The following WWOX variants were observed in gnomAD, a reference collection of about 807,000 sequenced individuals.
WWOX encodes WW domain containing oxidoreductase, also known as WW domain-containing oxidoreductase.
A neutral mutation model predicts 46.2 loss-of-function variants in WWOX; 69 were observed. The ratio of observed to expected loss-of-function variants is 1.49; its 90% CI spans 1.23 to 1.82. The LOEUF is 1.82. Among genes scored for constraint, WWOX ranks in the 40% most tolerant of loss-of-function variants. WWOX has a pLI of 0.00. For missense variants in WWOX, 919 were observed against 542.6 expected (o/e 1.69, Z -6.89); for synonymous variants, 359 against 202.6 (o/e 1.77, Z -6.56).
intron 8 of WWOX, among the ~76,000 whole-genome samples, chr16:78,844,690 A>T (rs77347998): frequency 0.015 from 2,233 of 152,282 alleles, 57 homozygotes; most frequent in African/African-American, 0.051. Context: ...TTAAAGAAAG[A>T]TTTTGCAGAC....
chr16:78,848,009 C>A (rs887535362), intron 8 of WWOX, among the ~76,000 whole-genome samples: 1 of 152,232 alleles, frequency 6.6e-6, no homozygotes, highest in Admixed American at 6.5e-5. Context: ...CAGCTGATAG[C>A]CTGTCGGTGC....
intron 8 of WWOX, among the ~76,000 whole-genome samples, chr16:78,788,073 A>C (rs1167014446): frequency 6.6e-6 from 1 of 152,118 alleles, no homozygotes; most frequent in Non-Finnish European, 1.5e-5. Context: ...CTTTGCAAAC[A>C]TTTTCTCTCA....
chr16:78,996,441 T>A, intron 8 of WWOX: 1 of 593,866 alleles, frequency 1.7e-6, no homozygotes, highest in Non-Finnish European at 2.1e-6. Flanking sequence ...AATGGAGGCA[T>A]ATTCAAAGTG....
chr16:78,327,393 G>A (rs1010921672), intron 5 of WWOX, among the ~76,000 whole-genome samples: 11 of 152,214 alleles, frequency 7.2e-5, no homozygotes, highest in African/African-American at 2.6e-4. Context: ...TTATGAATCT[G>A]GGGCATCTTC....
At chr16:78,409,281 A>G (rs1004206478) in intron 6 of WWOX, among the ~76,000 whole-genome samples, 1 of 152,178 alleles carries the variant, frequency 6.6e-6, no homozygotes, top group South Asian at 2.1e-4. Flanking sequence ...AATTATGACA[A>G]ACACAGTCAT....
chr16:78,599,794 A>C (rs929654828), intron 8 of WWOX, among the ~76,000 whole-genome samples: 3 of 152,012 alleles, frequency 2.0e-5, no homozygotes, highest in Non-Finnish European at 4.4e-5. Context: ...CAGTCTCTGC[A>C]CTCTGGGTCT....
rs973633451 is a variant in WWOX at position 79,091,742 on chromosome 16, C to T, written c.1057-119866C>T. On this transcript the variant is annotated intron_variant, in intron 8 of 8. Coordinates refer to ENST00000566780, the MANE Select transcript of WWOX (RefSeq NM_016373.4). ...GTTGGTTTTCTCAAGAGGGTTTCTG[C>T]ACACACCCGACCGCATCTTTTTCTT... is the stretch of plus-strand genomic sequence containing the variant. Among the ~76,000 whole-genome samples, 9 of 151,250 alleles carry T rather than the reference C, an allele frequency of 6.0e-5. 1 individual carries two copies. The highest frequency in any genetic ancestry group is 5.9e-4 in the Admixed American group (9 of 15,170).
intron 8 of WWOX, chr16:78,897,240 TAAAAAAAAAAAAA>T (rs60048933): frequency 3.7e-5 from 2 of 53,724 alleles, no homozygotes; most frequent in East Asian, 8.1e-4. Context: ...AGACTGTCTT[TAAAAAAAAAAAAA>T]AAAAAAAAAA....
chr16:78,814,392 A>G (rs2051276954), intron 8 of WWOX, among the ~76,000 whole-genome samples: 1 of 151,912 alleles, frequency 6.6e-6, no homozygotes, highest in African/African-American at 2.4e-5. Context: ...ACTATATGTT[A>G]AAAAATACGA....
chr16:78,824,971 C>T (rs904241251), intron 8 of WWOX, among the ~76,000 whole-genome samples: 5 of 152,120 alleles, frequency 3.3e-5, no homozygotes, highest in Non-Finnish European at 7.4e-5. Context: ...GTAATAGTAA[C>T]AGTAGAAAAT....
At chr16:79,077,059 G>A (rs926909756) in intron 8 of WWOX, among the ~76,000 whole-genome samples, 6 of 152,086 alleles carry the variant, frequency 3.9e-5, no homozygotes, top group South Asian at 2.1e-4. Context: ...AAGGTTCCAC[G>A]TAATAATTTG....
intron 5 of WWOX, among the ~76,000 whole-genome samples, chr16:78,206,023 A>G (rs1318791188): frequency 6.9e-6 from 1 of 144,722 alleles, no homozygotes; most frequent in Non-Finnish European, 1.5e-5. Flanking sequence ...ACTTGCTGGT[A>G]TTTTGTTTCA....
intron 8 of WWOX, among the ~76,000 whole-genome samples, chr16:78,957,023 C>T (rs2046181216): frequency 6.6e-6 from 1 of 152,188 alleles, no homozygotes; most frequent in Admixed American, 6.5e-5. Context: ...GTGTTATTCA[C>T]ATGCTTTATT....
At chr16:78,626,036 T>G (rs867454505) in intron 8 of WWOX, among the ~76,000 whole-genome samples, 1 of 151,868 alleles carries the variant, frequency 6.6e-6, no homozygotes, top group African/African-American at 2.4e-5. Context: ...TTAACTAAAG[T>G]CCATCGTTTA....
intron 8 of WWOX, among the ~76,000 whole-genome samples, chr16:78,859,818 T>G (rs2052674417): frequency 7.8e-6 from 1 of 127,778 alleles, no homozygotes; most frequent in African/African-American, 2.8e-5. Context: ...GAAGAGGAAA[T>G]TTAATGTGAT....
chr16:78,958,074 G>C (rs960900614), intron 8 of WWOX, among the ~76,000 whole-genome samples: 4 of 152,104 alleles, frequency 2.6e-5, no homozygotes, highest in Admixed American at 6.5e-5. Flanking sequence ...ACATTGCCTG[G>C]GTCTTGGAAT....
At chr16:78,153,118 G>A (rs1270991323) in intron 4 of WWOX, among the ~76,000 whole-genome samples, 4 of 152,104 alleles carry the variant, frequency 2.6e-5, no homozygotes. Context: ...TAACTCTTTG[G>A]AACTCAGAAC....
At chr16:78,443,832 C>T (rs1199350480) in intron 8 of WWOX, among the ~76,000 whole-genome samples, 2 of 152,074 alleles carry the variant, frequency 1.3e-5, no homozygotes, top group Non-Finnish European at 2.9e-5. Flanking sequence ...CTTTGATCCT[C>T]CCCTCTTTCA....
chr16:78,329,821 A>G (rs1223530041), intron 5 of WWOX, among the ~76,000 whole-genome samples: 1 of 150,238 alleles, frequency 6.7e-6, no homozygotes, highest in Non-Finnish European at 1.5e-5. Context: ...ATCATAGCTC[A>G]CTGCAGCCTC....
Sources: gnomAD v4.1 joint callset for allele counts (sites outside exome capture counted in the v4.1 genomes callset) on GRCh38, gnomAD v4.1.1 for gene constraint, MANE v1.5 for transcripts, NCBI Gene and HGNC (gene_info 2026-07-23, HGNC 2026-07-21) for gene names.